The following MGST1 variants were observed in gnomAD, a reference collection of about 807,000 sequenced individuals.
MGST1 encodes the protein glutathione S-transferase 12.
In MGST1, 5 loss-of-function variants were observed where a neutral mutation model predicts 8.9. The observed-to-expected ratio is 0.56, with a 90% CI of 0.29 to 1.19. The LOEUF is 1.19. Ranked by LOEUF, MGST1 falls within the 50% of genes most tolerant of loss-of-function variation. The probability of loss-of-function intolerance (pLI) is 0.08; values close to 1 mark genes in which losing one functional copy is unlikely to be tolerated. For missense variants in MGST1, 182 were observed against 187.4 expected (o/e 0.97, Z 0.17); for synonymous variants, 54 against 67.8 (o/e 0.80, Z 1.00).
At chr12:16,472,382 T>A (rs1941294278) in intron 4 of MGST1, among the ~76,000 whole-genome samples, 1 of 151,930 alleles carries the variant, frequency 6.6e-6, no homozygotes, top group Non-Finnish European at 1.5e-5. Flanking sequence ...AGTTTTAAAT[T>A]GGGTAAACGC....
chr12:16,584,820 G>A lies in MGST1; in HGVS notation n.483-4708G>A, dbSNP rs1943267309. 6.6e-6 allele frequency among the ~76,000 whole-genome samples: 1 copy of A among 152,182 alleles called. No homozygotes were observed. Among genetic ancestry groups the A allele is most frequent in the Admixed American group, 6.5e-5 (1 of 15,268 alleles). On this transcript the variant is annotated intron_variant and non_coding_transcript_variant, in intron 4 of 4. Transcript: ENST00000538857. The surrounding 1 kb of genome is among the most constrained non-coding windows in gnomAD (Gnocchi z 5.2). ...CCCAGGAGATTTCTGAAGCAGGAGTGTAACTGGTATACATTGGATGAAGGG... is the reference window on the plus strand; with the variant it reads ...CCCAGGAGATTTCTGAAGCAGGAGTATAACTGGTATACATTGGATGAAGGG...
chr12:16,438,006 A>T (rs1035466605), exon 2 of MGST1: 4 of 151,864 alleles, frequency 2.6e-5, no homozygotes, highest in African/African-American at 9.7e-5. Context: ...GGGACAGTAA[A>T]TTTTTTTAAA....
Position 16,361,398 on chromosome 12 carries a change from C to T in MGST1, c.222-2397C>T, listed in dbSNP as rs1418056763. ...GATGGTGGGAAGGTCCGTCACAGAGCAAATATATGCCAGGGCATGTGTGTC... is the reference window on the plus strand; with the variant it reads ...GATGGTGGGAAGGTCCGTCACAGAGTAAATATATGCCAGGGCATGTGTGTC... On this transcript the variant is annotated intron_variant, in intron 3 of 3. Transcript: ENST00000396210. The surrounding 1 kb of genome is among the most constrained non-coding windows in gnomAD (Gnocchi z 4.2). 6.6e-6 allele frequency among the ~76,000 whole-genome samples: 1 copy of T among 152,082 alleles called. No individual in the cohort carries two copies. The highest frequency in any genetic ancestry group is 2.4e-5 in the African/African-American group (1 of 41,404).
At chr12:16,504,208 GC>G (rs77231026) in intron 4 of MGST1, among the ~76,000 whole-genome samples, 35,295 of 151,884 alleles carry the variant, frequency 0.23, 4,983 homozygotes, top group Admixed American at 0.32. Context: ...AACTGGCCCA[GC>G]CTAAATGTTG....
chr12:16,404,821 C>T (rs890026245), intron 1 of MGST1, among the ~76,000 whole-genome samples: 2 of 152,140 alleles, frequency 1.3e-5, no homozygotes, highest in Admixed American at 1.3e-4. Flanking sequence ...TTTTCTCAGA[C>T]CTTCCAGATG....
At chr12:16,507,188 A>C (rs1941543428) in intron 4 of MGST1, among the ~76,000 whole-genome samples, 1 of 152,166 alleles carries the variant, frequency 6.6e-6, no homozygotes, top group South Asian at 2.1e-4. Context: ...TACAGAAAGC[A>C]GAGGGTTCAA....
rs531405655 is a variant in MGST1, at chr12:16,460,077, T to C, written n.482+76473T>C. On this transcript the variant is annotated intron_variant and non_coding_transcript_variant, in intron 4 of 4. Transcript: ENST00000538857. ...AGAACATACTCTTATAGGAATGACA[T>C]TGGGATTAAATAAAACAGTCCATGT... 2.6e-5 allele frequency among the ~76,000 whole-genome samples: 4 copies of C among 152,228 alleles called. No individual in the cohort carries two copies. In the South Asian group the frequency reaches 8.3e-4, roughly 32 times the overall value.
At chr12:16,569,439 G>A (rs938713949) in intron 4 of MGST1, among the ~76,000 whole-genome samples, 1 of 152,144 alleles carries the variant, frequency 6.6e-6, no homozygotes, top group Admixed American at 6.5e-5. Context: ...GTTGCAAACA[G>A]TGTTTAAACA....
chr12:16,538,009 T>C (rs1941765636), intron 4 of MGST1, among the ~76,000 whole-genome samples: 1 of 152,230 alleles, frequency 6.6e-6, no homozygotes, highest in African/African-American at 2.4e-5. Flanking sequence ...TTCTACTGCA[T>C]CATCTGGCTG....
chr12:16,592,485 G>A (rs1943524365), downstream of MGST1, among the ~76,000 whole-genome samples: 1 of 151,964 alleles, frequency 6.6e-6, no homozygotes, highest in Non-Finnish European at 1.5e-5. Flanking sequence ...CACAGTATAA[G>A]TGAGCATCTC....
At chr12:16,554,618 A>G (rs1459379888) in intron 4 of MGST1, among the ~76,000 whole-genome samples, 1 of 152,180 alleles carries the variant, frequency 6.6e-6, no homozygotes, top group Non-Finnish European at 1.5e-5. Flanking sequence ...CTTGCTATAC[A>G]TTATTCAAAG....
intron 4 of MGST1, among the ~76,000 whole-genome samples, chr12:16,465,973 A>G (rs1317970628): frequency 6.6e-6 from 1 of 152,154 alleles, no homozygotes; most frequent in East Asian, 1.9e-4. Context: ...GTGCGTTCTC[A>G]GTTAATATAT....
chr12:16,422,877 A>G (rs190833287), intron 1 of MGST1, among the ~76,000 whole-genome samples: 158 of 152,088 alleles, frequency 1.0e-3, no homozygotes, highest in African/African-American at 3.7e-3. Context: ...TTCTCCCTTG[A>G]TGCTAAGGTT....
intron 4 of MGST1, among the ~76,000 whole-genome samples, chr12:16,456,429 T>C (rs1941173070): frequency 1.3e-5 from 2 of 151,942 alleles, no homozygotes; most frequent in African/African-American, 4.8e-5. Flanking sequence ...TTAATTCTAA[T>C]TTTAAAATAG....
chr12:16,517,565 CA>C lies in MGST1; in HGVS notation n.483-71962del, dbSNP rs1174056127. ...AGTCAGTGCTATTTTACTACAGCAGCACAAAACAGAGACAGCAGGTATCAGT... is the reference window on the plus strand; with the variant it reads ...AGTCAGTGCTATTTTACTACAGCAGCCAAAACAGAGACAGCAGGTATCAGT... On this transcript the variant is annotated intron_variant and non_coding_transcript_variant, in intron 4 of 4. Coordinates refer to the MGST1 transcript ENST00000538857. This position sits in a 1 kb window ranked among gnomAD's most constrained non-coding sequence, Gnocchi z 4.2. Among the ~76,000 whole-genome samples the C allele has an allele frequency of 6.6e-6, 1 of 152,234 alleles. No homozygotes were observed. Among genetic ancestry groups the C allele is most frequent in the East Asian group, 1.9e-4 (1 of 5,184 alleles).
chr12:16,559,560 A>T lies in MGST1; in HGVS notation n.483-29968A>T. Among the ~76,000 whole-genome samples the T allele has an allele frequency of 6.6e-6, 1 of 152,206 alleles. No individual in the cohort carries two copies. Among genetic ancestry groups the T allele is most frequent in the East Asian group, 1.9e-4 (1 of 5,192 alleles). On this transcript the variant is annotated intron_variant and non_coding_transcript_variant, in intron 4 of 4. Coordinates refer to the MGST1 transcript ENST00000538857. The surrounding 1 kb of genome is among the most constrained non-coding windows in gnomAD (Gnocchi z 4.1). ...TTTTCAAATGCTCCTCTCCAATGATAATAATTGTTTAATTATTAGCTATAT... is the reference window on the plus strand; with the variant it reads ...TTTTCAAATGCTCCTCTCCAATGATTATAATTGTTTAATTATTAGCTATAT...
intron 1 of MGST1, among the ~76,000 whole-genome samples, chr12:16,424,451 G>C (rs1189621869): frequency 2.0e-5 from 3 of 152,274 alleles, no homozygotes; most frequent in Admixed American, 6.5e-5. Context: ...TGCTGACTAA[G>C]TCTCCTCTCT....
chr12:16,498,426 C>T (rs776286960), intron 4 of MGST1, among the ~76,000 whole-genome samples: 17 of 152,122 alleles, frequency 1.1e-4, no homozygotes, highest in Non-Finnish European at 1.5e-4. Context: ...AAATTGAAAA[C>T]ATTGCTATTC....
At chr12:16,415,601 TTTC>T (rs1210791135) in intron 1 of MGST1, among the ~76,000 whole-genome samples, 1 of 152,224 alleles carries the variant, frequency 6.6e-6, no homozygotes, top group Non-Finnish European at 1.5e-5. Flanking sequence ...TTAATAACAT[TTTC>T]TTTTCTCTAG....
Sources: allele counts gnomAD v4.1 joint callset (sites outside exome capture counted in the v4.1 genomes callset), GRCh38; gene constraint gnomAD v4.1.1; non-coding constraint Gnocchi (gnomAD v3.1); transcripts MANE v1.5; gene names NCBI Gene and HGNC (gene_info 2026-07-23, HGNC 2026-07-21).